PFKFB3: variants seen among roughly 807,000 people sequenced by gnomAD.
PFKFB3 encodes 6-phosphofructo-2-kinase/fructose-2,6-bisphosphatase 3.
A neutral mutation model predicts 68.0 loss-of-function variants in PFKFB3; 33 were observed. That is an observed-to-expected ratio of 0.49 (90% CI 0.37 to 0.65). PFKFB3 has a LOEUF of 0.65. Ranked by LOEUF, PFKFB3 falls within the 30% of genes least tolerant of loss-of-function variation. PFKFB3 has a pLI of 0.00. For missense variants in PFKFB3, 586 were observed against 712.2 expected (o/e 0.82, Z 2.02); for synonymous variants, 315 against 288.2 (o/e 1.09, Z -0.94).
At chr10:6,296,680 G>C in the PFKFB3 span, among the ~76,000 whole-genome samples, 1 of 152,218 alleles carries the variant, frequency 6.6e-6, no homozygotes, top group African/African-American at 2.4e-5. Context: ...CATGACATTT[G>C]TAAACTGTCG....
chr10:6,212,749 C>T (rs752444472), intron 1 of PFKFB3, among the ~76,000 whole-genome samples: 2 of 152,210 alleles, frequency 1.3e-5, no homozygotes, highest in Non-Finnish European at 2.9e-5. Flanking sequence ...ATCCTCTTGC[C>T]TCGGCCTCCC....
Position 6,229,126 on chromosome 10 carries a change from T to G in PFKFB3, c.1515+2761T>G. On this transcript the variant is annotated intron_variant, in intron 14 of 14. Coordinates refer to ENST00000379775, the MANE Select transcript of PFKFB3 (RefSeq NM_004566.4). The surrounding 1 kb of genome is among the most constrained non-coding windows in gnomAD (Gnocchi z 4.3). ...TTATGCAGAAACTGGAAAGGTGTGA[T>G]GAGGAATGCAGCCTGAGATGCTGAA... The G allele has an allele frequency of 1.9e-6, 1 of 523,048 alleles. No homozygotes were observed. Among genetic ancestry groups the G allele is most frequent in the Non-Finnish European group, 3.9e-6 (1 of 255,474 alleles). 32.4% of individuals were successfully genotyped at this position (523,048 alleles called of 1,614,324 possible).
chr10:6,238,875 T>C (rs1168646665), downstream of PFKFB3, among the ~76,000 whole-genome samples: 2 of 152,196 alleles, frequency 1.3e-5, no homozygotes, highest in Non-Finnish European at 2.9e-5. Context: ...CAGCTCCTTC[T>C]ATGTCCCTGC....
downstream of PFKFB3, among the ~76,000 whole-genome samples, chr10:6,256,969 G>T (rs1181296573): frequency 5.3e-5 from 8 of 152,172 alleles, no homozygotes; most frequent in Non-Finnish European, 8.8e-5. Context: ...GTTTCAAAAA[G>T]AAATACTCAA....
chr10:6,287,649 C>A, the PFKFB3 span, among the ~76,000 whole-genome samples: 3 of 152,126 alleles, frequency 2.0e-5, no homozygotes, highest in African/African-American at 7.2e-5. Flanking sequence ...CAGAATACGT[C>A]CCTGCCATTA....
At chr10:6,300,155 G>A in the PFKFB3 span, among the ~76,000 whole-genome samples, 2 of 151,484 alleles carry the variant, frequency 1.3e-5, no homozygotes, top group Non-Finnish European at 2.9e-5. Context: ...TTGTCTCTTC[G>A]GGCGAGATGC....
At chr10:6,201,798 CAA>C (rs1843371030), upstream of PFKFB3, among the ~76,000 whole-genome samples, 1 of 151,482 alleles carries the variant, frequency 6.6e-6, no homozygotes, top group Non-Finnish European at 1.5e-5. This position sits in a 1 kb window ranked among gnomAD's most constrained non-coding sequence, Gnocchi z 4.1. Flanking sequence ...GCTTCGTTTG[CAA>C]AAGTTACATC....
In PFKFB3 at chr10:6,228,815, T is replaced by C. The variant is rs1364958720; in HGVS notation, c.1515+2450T>C. On this transcript the variant is annotated intron_variant, in intron 14 of 14. Transcript: ENST00000379775. The surrounding 1 kb of genome is among the most constrained non-coding windows in gnomAD (Gnocchi z 4.5). ...GTCCTGGGTTGGAGCCTGCTCAGCGTCATAGTCACGCCCGGGGCTGGGTGC... is the reference window on the plus strand; with the variant it reads ...GTCCTGGGTTGGAGCCTGCTCAGCGCCATAGTCACGCCCGGGGCTGGGTGC... Among the ~76,000 whole-genome samples, 1 of 152,140 alleles carries C rather than the reference T, an allele frequency of 6.6e-6. No individual in the cohort carries two copies. Among genetic ancestry groups the C allele is most frequent in the Admixed American group, 6.5e-5 (1 of 15,272 alleles).
At chr10:6,277,092 A>G in the PFKFB3 span, among the ~76,000 whole-genome samples, 1 of 152,096 alleles carries the variant, frequency 6.6e-6, no homozygotes, top group African/African-American at 2.4e-5. Flanking sequence ...ATCATATTGT[A>G]TGTGATACAG....
chr10:6,230,254 C>T (rs930032632), intron 14 of PFKFB3, among the ~76,000 whole-genome samples: 12 of 152,236 alleles, frequency 7.9e-5, no homozygotes, highest in East Asian at 3.9e-4. Context: ...ATCCTGGGTG[C>T]GTGACCCCAC....
chr10:6,210,075 T>C lies in PFKFB3; in HGVS notation c.77-3548T>C, dbSNP rs568952634. Among the ~76,000 whole-genome samples, 2 of 104,592 alleles carry C rather than the reference T, an allele frequency of 1.9e-5. 1 individual carries two copies. Among genetic ancestry groups the C allele is most frequent in the South Asian group, 7.5e-4 (2 of 2,662 alleles). The allele number at this position is 104,592 out of a possible 152,430, so 68.6% of individuals were successfully genotyped here. ...CCTAATACTTATCTTTTCTAATCACTGTGCCTTGCCAGGGAGGGTGATGAG... is the reference window on the plus strand; with the variant it reads ...CCTAATACTTATCTTTTCTAATCACCGTGCCTTGCCAGGGAGGGTGATGAG... On this transcript the variant is annotated intron_variant, in intron 1 of 14. Coordinates refer to ENST00000379775, the MANE Select transcript of PFKFB3 (RefSeq NM_004566.4).
chr10:6,184,247 T>A (rs1270396057), intron 1 of PFKFB3, among the ~76,000 whole-genome samples: 1 of 151,814 alleles, frequency 6.6e-6, no homozygotes, highest in African/African-American at 2.4e-5. Context: ...GAGACGGGGT[T>A]TCGCCATGTT....
Position 6,228,184 on chromosome 10 carries a change from T to C in PFKFB3, c.1515+1819T>C, listed in dbSNP as rs377358161. On this transcript the variant is annotated intron_variant, in intron 14 of 14. Coordinates refer to ENST00000379775, the MANE Select transcript of PFKFB3 (RefSeq NM_004566.4). The surrounding 1 kb of genome is among the most constrained non-coding windows in gnomAD (Gnocchi z 4.5). ...CTCCTGACTGACTTCTCTCTCTGCT[T>C]CTCCTCCGCAGCCTTTGCTAGGGCA... 4.0e-5 allele frequency: 64 copies of C among 1,612,658 alleles called. No individual in the cohort carries two copies. The highest frequency in any genetic ancestry group is 5.3e-5 in the Non-Finnish European group (63 of 1,179,868).
chr10:6,175,495 A>C (rs1842436404), intron 1 of PFKFB3, among the ~76,000 whole-genome samples: 1 of 152,212 alleles, frequency 6.6e-6, no homozygotes, highest in South Asian at 2.1e-4. Flanking sequence ...GGGGCACCGC[A>C]GGCGCCAACT....
chr10:6,222,663 G>C (rs925224585), intron 10 of PFKFB3, 192 bp from the exon 11 acceptor site: 1 of 498,312 alleles, frequency 2.0e-6, no homozygotes, highest in African/African-American at 2.0e-5. Context: ...GTGTGGGAGC[G>C]GAGTGGGGAG....
the PFKFB3 span, among the ~76,000 whole-genome samples, chr10:6,309,587 C>A: frequency 2.9e-4 from 44 of 152,278 alleles, no homozygotes; most frequent in Non-Finnish European, 4.7e-4. Flanking sequence ...GTGCCACTGC[C>A]CTCCAGCCCA....
At chr10:6,195,697 G>T (rs956349938) in intron 1 of PFKFB3, among the ~76,000 whole-genome samples, 26 of 152,342 alleles carry the variant, frequency 1.7e-4, no homozygotes, top group Middle Eastern at 6.8e-3. Context: ...GGGGCTCCCC[G>T]CAGAATTCTC....
chr10:6,146,424 G>A (rs1841391083), intron 1 of PFKFB3: 2 of 1,535,470 alleles, frequency 1.3e-6, no homozygotes, highest in Admixed American at 2.0e-5. Flanking sequence ...GCAAGCAGGG[G>A]CTCTGCCACT....
Position 6,228,195 on chromosome 10 carries a change from G to T in PFKFB3, c.1515+1830G>T, listed in dbSNP as rs1305471778. 1 of 1,612,738 alleles carries T rather than the reference G, an allele frequency of 6.2e-7. No individual in the cohort carries two copies. The highest frequency in any genetic ancestry group is 1.3e-5 in the African/African-American group (1 of 75,030). On this transcript the variant is annotated intron_variant, in intron 14 of 14. Coordinates refer to ENST00000379775, the MANE Select transcript of PFKFB3 (RefSeq NM_004566.4). The surrounding 1 kb of genome is among the most constrained non-coding windows in gnomAD (Gnocchi z 4.5). ...CTTCTCTCTCTGCTTCTCCTCCGCA[G>T]CCTTTGCTAGGGCAAGCCTGTCTGT...
Sources: allele counts gnomAD v4.1 joint callset (sites outside exome capture counted in the v4.1 genomes callset), GRCh38; gene constraint gnomAD v4.1.1; non-coding constraint Gnocchi (gnomAD v3.1); transcripts MANE v1.5; gene names NCBI Gene and HGNC (gene_info 2026-07-23, HGNC 2026-07-21).